RBPMS: variants seen among roughly 807,000 people sequenced by gnomAD.
The protein encoded by RBPMS is RNA binding protein, mRNA processing factor, also known as RNA-binding protein with multiple splicing.
Under a neutral mutation model 26.8 loss-of-function variants are expected in RBPMS, and 7 were observed. The ratio of observed to expected loss-of-function variants is 0.26; its 90% CI spans 0.15 to 0.49. The LOEUF (loss-of-function observed/expected upper bound fraction) is 0.49, where lower values mean the gene tolerates loss of function less well. RBPMS is among the 20% of genes least tolerant of loss of function. The pLI, the probability that RBPMS is intolerant of heterozygous loss-of-function variation, is 0.98. For synonymous variants in RBPMS, 96 were observed against 93.3 expected (o/e 1.03, Z -0.17); for missense variants, 186 against 250.0 (o/e 0.74, Z 1.73).
In RBPMS at chr8:30,539,351, C is replaced by T. The variant is rs774102870; in HGVS notation, c.398-5143C>T. On this transcript the variant is annotated intron_variant, in intron 5 of 8. Transcript: ENST00000397323. ...TCACCAGCAGCAGTGGGGGCATCAC[C>T]CACCCCAGGGAGGAAAGGATGGTGT... 5.1e-4 allele frequency among the ~76,000 whole-genome samples: 77 copies of T among 152,046 alleles called. 3 individuals carry two copies. The highest frequency in any genetic ancestry group is 8.5e-4 in the Admixed American group (13 of 15,280).
chr8:30,502,914 G>C (rs1353687469), intron 4 of RBPMS, among the ~76,000 whole-genome samples: 1 of 151,660 alleles, frequency 6.6e-6, no homozygotes, highest in African/African-American at 2.4e-5. Context: ...ATGTTCTTAT[G>C]TTTCACAGAA....
intron 1 of RBPMS, among the ~76,000 whole-genome samples, chr8:30,440,794 CTT>C (rs34107190): frequency 5.2e-4 from 74 of 143,540 alleles, no homozygotes; most frequent in South Asian, 4.7e-3. Context: ...ATTTTTTTAA[CTT>C]TTTTTTTTTT....
chr8:30,537,556 G>A (rs1210894501), intron 5 of RBPMS: 5 of 455,782 alleles, frequency 1.1e-5, no homozygotes, highest in Non-Finnish European at 1.8e-5. Context: ...TCTTTACATA[G>A]AGAATATGTC....
intron 5 of RBPMS, among the ~76,000 whole-genome samples, chr8:30,544,220 G>A (rs1002979780): frequency 2.0e-5 from 3 of 151,974 alleles, no homozygotes; most frequent in Non-Finnish European, 4.4e-5. Flanking sequence ...AGCTACAGTC[G>A]GAAAGACATC....
chr8:30,533,811 C>A (rs1824508426), intron 5 of RBPMS, among the ~76,000 whole-genome samples: 1 of 152,074 alleles, frequency 6.6e-6, no homozygotes, highest in South Asian at 2.1e-4. Context: ...CACCAGAATG[C>A]CAGGTTAAAT....
chr8:30,556,604 C>T (rs1489978775), intron 6 of RBPMS: 16 of 986,182 alleles, frequency 1.6e-5, no homozygotes, highest in Admixed American at 1.2e-4. Context: ...CACACCACTG[C>T]GCTCCACACT....
At chr8:30,439,412 AT>A (rs1812823019) in intron 1 of RBPMS, among the ~76,000 whole-genome samples, 1 of 152,218 alleles carries the variant, frequency 6.6e-6, no homozygotes, top group African/African-American at 2.4e-5. Flanking sequence ...AAAGCAAAAT[AT>A]TTTCCTTTGA....
intron 1 of RBPMS, among the ~76,000 whole-genome samples, chr8:30,447,507 G>A (rs1814010740): frequency 6.6e-6 from 1 of 152,142 alleles, no homozygotes; most frequent in African/African-American, 2.4e-5. Flanking sequence ...TAGAGCTGCT[G>A]GGTTCTATAA....
intron 6 of RBPMS, 56 bp downstream of exon 6, chr8:30,544,680 C>T: frequency 6.2e-7 from 1 of 1,609,560 alleles, no homozygotes; most frequent in South Asian, 1.1e-5. Context: ...TCCTTTCAAA[C>T]TTGGTTCCCG....
At chr8:30,563,132 A>G (rs1372697734) in intron 7 of RBPMS, among the ~76,000 whole-genome samples, 1 of 152,220 alleles carries the variant, frequency 6.6e-6, no homozygotes, top group African/African-American at 2.4e-5. Context: ...GGGCATGTAC[A>G]GGCCATGTGC....
In RBPMS at chr8:30,570,898, G is replaced by C. The variant is rs1351115021; in HGVS notation, c.*373G>C. 6.6e-6 allele frequency: 1 copy of C among 152,180 alleles called. No homozygotes were observed. Among genetic ancestry groups the C allele is most frequent in the Non-Finnish European group, 1.5e-5 (1 of 68,028 alleles). The allele number at this position is 152,180 out of a possible 1,614,324, so 9.4% of individuals were successfully genotyped here. On this transcript the variant is annotated 3_prime_UTR_variant, in exon 9 of 9. Transcript: ENST00000397323. Reference sequence around the variant, plus strand: ...AGTATTTTTATACCAAACATTTTAAGTATGCTGGGATGGACGATCTTACAC... The same window carrying C: ...AGTATTTTTATACCAAACATTTTAACTATGCTGGGATGGACGATCTTACAC...
chr8:30,434,278 C>G (rs1812221715), intron 1 of RBPMS, among the ~76,000 whole-genome samples: 2 of 151,946 alleles, frequency 1.3e-5, no homozygotes, highest in Admixed American at 1.3e-4. Context: ...TACTGGGGAT[C>G]TGTGATTTTT....
intron 7 of RBPMS, among the ~76,000 whole-genome samples, chr8:30,562,767 C>T (rs1471412759): frequency 6.6e-6 from 1 of 150,466 alleles, no homozygotes; most frequent in East Asian, 1.9e-4. Context: ...CTTTCTTCCC[C>T]ATCTTGCTTT....
chr8:30,428,096 T>A (rs998185298), intron 1 of RBPMS, among the ~76,000 whole-genome samples: 4 of 146,300 alleles, frequency 2.7e-5, no homozygotes, highest in African/African-American at 1.0e-4. Context: ...CGATCTTGGC[T>A]CTCTGCAACC....
chr8:30,479,457 A>G, intron 4 of RBPMS, 80 bp downstream of exon 4: 1 of 1,019,942 alleles, frequency 9.8e-7, no homozygotes, highest in Non-Finnish European at 1.5e-6. Flanking sequence ...ACGGGAAATC[A>G]AGTGGAAAGA....
chr8:30,553,696 C>G (rs1826587290), intron 6 of RBPMS: 1 of 152,210 alleles, frequency 6.6e-6, no homozygotes, highest in Non-Finnish European at 1.5e-5. Context: ...AATATCCATG[C>G]CTTCAAAACA....
chr8:30,536,533 C>T (rs1824818092), intron 5 of RBPMS, among the ~76,000 whole-genome samples: 1 of 152,214 alleles, frequency 6.6e-6, no homozygotes, highest in South Asian at 2.1e-4. Context: ...ATCCTTCTCC[C>T]TTGCTCCCTT....
chr8:30,391,063 G>T (rs1214067754), intron 1 of RBPMS, among the ~76,000 whole-genome samples: 1 of 152,096 alleles, frequency 6.6e-6, no homozygotes, highest in Non-Finnish European at 1.5e-5. Flanking sequence ...CTCCATTTGC[G>T]AGCACAGGTG....
chr8:30,556,375 T>A, intron 6 of RBPMS: 7 of 985,638 alleles, frequency 7.1e-6, no homozygotes, highest in Non-Finnish European at 8.4e-6. Context: ...CAGGCACCTG[T>A]GCGAGTGAGA....
Sources: allele counts gnomAD v4.1 joint callset (sites outside exome capture counted in the v4.1 genomes callset), GRCh38; gene constraint gnomAD v4.1.1; transcripts MANE v1.5; gene names NCBI Gene and HGNC (gene_info 2026-07-23, HGNC 2026-07-21).